Variants in CD99L2 observed in about 807,000 individuals in gnomAD.
The protein encoded by CD99L2 is CD99 molecule like 2.
A neutral mutation model predicts 27.3 loss-of-function variants in CD99L2; 24 were observed. The ratio of observed to expected loss-of-function variants is 0.88; its 90% CI spans 0.64 to 1.24. The LOEUF (loss-of-function observed/expected upper bound fraction) is 1.24, where lower values mean the gene tolerates loss of function less well. Ranked by LOEUF, CD99L2 falls within the 50% of genes most tolerant of loss-of-function variation. The pLI, the probability that CD99L2 is intolerant of heterozygous loss-of-function variation, is 0.00. For missense variants in CD99L2, 255 were observed against 221.6 expected (o/e 1.15, Z -0.96); for synonymous variants, 97 against 87.9 (o/e 1.10, Z -0.58).
chrX:150,874,154 C>T (rs1440998620), intron 1 of CD99L2, among the ~76,000 whole-genome samples: 2 of 111,919 alleles, frequency 1.8e-5, no homozygotes, highest in Non-Finnish European at 3.8e-5. Flanking sequence ...ACAAATGGGG[C>T]TATGAGAGCC....
intron 6 of CD99L2, 107 bp from the exon 7 acceptor site, chrX:150,793,863 A>C (rs1282431462): frequency 3.4e-6 from 2 of 593,327 alleles, no homozygotes; most frequent in Non-Finnish European, 5.1e-6. Flanking sequence ...AGTTCCACTT[A>C]AGAATGCCCT....
At chrX:150,842,794 G>C (rs2046641207) in intron 1 of CD99L2, among the ~76,000 whole-genome samples, 1 of 112,069 alleles carries the variant, frequency 8.9e-6, no homozygotes, top group Admixed American at 9.5e-5. Context: ...ACATGCAGCA[G>C]GTAACTACTG....
Position 150,795,400 on chromosome X carries a change from T to G in CD99L2, c.346+18A>C. 8.3e-7 allele frequency: 1 copy of G among 1,211,254 alleles called. No homozygotes were observed. The highest frequency in any genetic ancestry group is 1.1e-6 in the Non-Finnish European group (1 of 895,039). On this transcript the variant is annotated intron_variant, in intron 5 of 10. Transcript: ENST00000370377. ...TGGGATCCTTGCCTTACTACTCTCC[T>G]CAGAGCGGCCACCTTACCTAAAGTA...
At chrX:150,803,674 T>G (rs2045952860) in intron 4 of CD99L2, among the ~76,000 whole-genome samples, 1 of 112,058 alleles carries the variant, frequency 8.9e-6, no homozygotes, top group Non-Finnish European at 1.9e-5. Flanking sequence ...TGATAAAGCA[T>G]AGTCTTTTGA....
intron 1 of CD99L2, among the ~76,000 whole-genome samples, chrX:150,873,142 G>A (rs782268726): frequency 6.2e-5 from 7 of 112,384 alleles, no homozygotes; most frequent in Non-Finnish European, 9.4e-5. Context: ...AAACATCCTC[G>A]AATGAGGTGG....
intron 7 of CD99L2, among the ~76,000 whole-genome samples, 191 bp downstream of exon 7, chrX:150,793,500 C>T (rs782592961): frequency 4.5e-5 from 5 of 112,320 alleles, no homozygotes; most frequent in Non-Finnish European, 9.4e-5. Flanking sequence ...AAATGTGGGG[C>T]TTTTCCAAGA....
At chrX:150,864,272 A>G (rs1017075924) in intron 1 of CD99L2, among the ~76,000 whole-genome samples, 1 of 112,208 alleles carries the variant, frequency 8.9e-6, no homozygotes, top group African/African-American at 3.2e-5. Flanking sequence ...TGACCAAACT[A>G]AAGATTCCCT....
chrX:150,776,730 T>G (rs1156502456), intron 8 of CD99L2, among the ~76,000 whole-genome samples: 1 of 111,966 alleles, frequency 8.9e-6, no homozygotes, highest in Non-Finnish European at 1.9e-5. Context: ...TATGTCTCCT[T>G]GTAGCTGCTG....
intron 1 of CD99L2, among the ~76,000 whole-genome samples, chrX:150,879,001 T>C (rs1278387540): frequency 8.9e-6 from 1 of 112,028 alleles, no homozygotes; most frequent in Non-Finnish European, 1.9e-5. Context: ...TTATATACAT[T>C]CTCCCAAATA....
chrX:150,792,641 C>G (rs1414146593), intron 7 of CD99L2, among the ~76,000 whole-genome samples: 1 of 112,180 alleles, frequency 8.9e-6, no homozygotes, highest in African/African-American at 3.2e-5. Flanking sequence ...AGAGTTACAA[C>G]CAGATACACC....
At chrX:150,857,441 G>C (rs1330342186) in intron 1 of CD99L2, among the ~76,000 whole-genome samples, 1 of 109,030 alleles carries the variant, frequency 9.2e-6, no homozygotes, top group Non-Finnish European at 1.9e-5. Flanking sequence ...GGAGAGAATG[G>C]CACGATATGT....
chrX:150,894,548 G>T (rs1168991447), intron 1 of CD99L2, among the ~76,000 whole-genome samples: 2 of 98,780 alleles, frequency 2.0e-5, no homozygotes, highest in African/African-American at 3.7e-5. Flanking sequence ...TGCTCATCAA[G>T]TTTATTCTTT....
At chrX:150,789,116 CTTTTTTTCT>C (rs1411451368) in intron 7 of CD99L2, among the ~76,000 whole-genome samples, 1 of 67,528 alleles carries the variant, frequency 1.5e-5, no homozygotes, top group East Asian at 5.7e-4. Flanking sequence ...TTTATGAATT[CTTTTTTTCT>C]TTTTTTTTTT....
chrX:150,862,706 A>G (rs1322516388), intron 1 of CD99L2, among the ~76,000 whole-genome samples: 1 of 111,252 alleles, frequency 9.0e-6, no homozygotes, highest in Non-Finnish European at 1.9e-5. Flanking sequence ...GAGCTCTACT[A>G]TATGCCAGCC....
chrX:150,768,793 G>T lies in CD99L2; in HGVS notation c.*241C>A. 1 of 734,378 alleles carries T rather than the reference G, an allele frequency of 1.4e-6. No individual in the cohort carries two copies. Among genetic ancestry groups the T allele is most frequent in the Non-Finnish European group, 1.8e-6 (1 of 562,800 alleles). 60.5% of individuals were successfully genotyped at this position (734,378 alleles called of 1,213,427 possible). On this transcript the variant is annotated 3_prime_UTR_variant, in exon 11 of 11. Transcript: ENST00000370377. ...GGGAGTTGGTGGCTCAGCAGCTCCC[G>T]AGGCTGGTGCTGGCTTTCTATCAGA... is the stretch of plus-strand genomic sequence containing the variant.
chrX:150,839,339 G>C (rs893091891), intron 1 of CD99L2, among the ~76,000 whole-genome samples: 2 of 111,561 alleles, frequency 1.8e-5, no homozygotes, highest in Admixed American at 1.9e-4. Context: ...AAAGTAGTGA[G>C]AGCCTGCAAT....
intron 2 of CD99L2, among the ~76,000 whole-genome samples, chrX:150,824,607 AAGAAGAAGG>A (rs1422095334): frequency 1.0e-5 from 1 of 97,398 alleles, no homozygotes; most frequent in Non-Finnish European, 2.0e-5. Context: ...GAAGGAGGAG[AAGAAGAAGG>A]AGAAGAAGGA....
chrX:150,777,179 A>G (rs1557419278), intron 8 of CD99L2: 2 of 404,320 alleles, frequency 4.9e-6, no homozygotes, highest in Non-Finnish European at 8.5e-6. Flanking sequence ...ATCAGCTATC[A>G]GTTTGTATTG....
intron 1 of CD99L2, among the ~76,000 whole-genome samples, chrX:150,834,882 T>C (rs2046502535): frequency 8.9e-6 from 1 of 112,370 alleles, no homozygotes; most frequent in Non-Finnish European, 1.9e-5. Flanking sequence ...ATGTGGTACA[T>C]ATATAAATGG....
Sources: gnomAD v4.1 joint callset for allele counts (sites outside exome capture counted in the v4.1 genomes callset) on GRCh38, gnomAD v4.1.1 for gene constraint, MANE v1.5 for transcripts, NCBI Gene and HGNC (gene_info 2026-07-23, HGNC 2026-07-21) for gene names.